INA: variants seen among roughly 807,000 people sequenced by gnomAD.
The protein encoded by INA is alpha-internexin.
INA carries 35 observed loss-of-function variants against 40.1 expected under a neutral mutation model. The observed-to-expected ratio is 0.87, with a 90% CI of 0.67 to 1.16. INA has a LOEUF of 1.16. INA is among the 50% of genes most tolerant of loss of function. The pLI is 0.00. For synonymous variants in INA, 290 were observed against 316.9 expected (o/e 0.92, Z 0.90); for missense variants, 594 against 686.7 (o/e 0.87, Z 1.51).
intron 1 of INA, among the ~76,000 whole-genome samples, chr10:103,286,533 G>A (rs2093086492): frequency 6.6e-6 from 1 of 151,944 alleles, no homozygotes; most frequent in South Asian, 2.1e-4. Context: ...TCATCAAAAT[G>A]AATGGAGGCA....
chr10:103,288,627 A>G lies in INA; in HGVS notation c.1458A>G (p.Lys486=). 2 of 1,594,678 alleles carry G rather than the reference A, an allele frequency of 1.3e-6. No homozygotes were observed. The highest frequency in any genetic ancestry group is 1.1e-5 in the South Asian group (1 of 87,540). Residue 486 remains lysine (K), a synonymous_variant, in exon 3 of 3, where the codon AAA becomes AAG. Transcript: ENST00000369849. The part of the protein sequence containing the change: ...ETVISTKKTE[K]SNIEETTISS... ...TAATATCTACTAAGAAAACCGAGAAATCAAATATAGAAGAAACCACCATTT... is the reference window on the plus strand; with the variant it reads ...TAATATCTACTAAGAAAACCGAGAAGTCAAATATAGAAGAAACCACCATTT...
chr10:103,277,978 T>G lies in INA; in HGVS notation c.767T>G (p.Val256Gly). 6 of 1,583,342 alleles carry G rather than the reference T, an allele frequency of 3.8e-6. No homozygotes were observed. Among genetic ancestry groups the G allele is most frequent in the Non-Finnish European group, 5.1e-6 (6 of 1,165,768 alleles). Residue 256 changes from valine to glycine, a missense_variant, in exon 1 of 3, where the codon GTG becomes GGG. Transcript: ENST00000369849. This position sits in a 1 kb window ranked among gnomAD's most constrained non-coding sequence, Gnocchi z 5.6. ...GCCGCGGCCGAGGTGGACGTGACTG[T>G]GGCTAAACCAGACCTGACCTCGGCT... ...SQAAAEVDVT[V>G]AKPDLTSALR...
rs34440112 is a variant in INA, at chr10:103,288,460, A to C, written c.1291A>C (p.Ile431Leu). The change falls in exon 3 of 3, where the codon ATC becomes CTC. Residue 431 changes from isoleucine to leucine, a missense_variant. Physicochemically the swap from Ile to Leu is conservative, Grantham distance 5 (BLOSUM62 2). This residue lies in a region of INA where 379 missense variants were observed against 496.1 expected (regional missense o/e 0.76). Coordinates refer to ENST00000369849, the MANE Select transcript of INA (RefSeq NM_032727.4). ...PNPSYLLPPRILSATTSKVSS... is the reference protein window; with the variant it reads ...PNPSYLLPPRLLSATTSKVSS... ...TCCAAGTTACCTGCTCCCACCTAGA[A>C]TCCTCAGTGCTACAACCTCCAAAGT... is the stretch of plus-strand genomic sequence containing the variant. 43,881 of 1,614,052 alleles carry C rather than the reference A, an allele frequency of 0.027. 702 individuals carry two copies. The highest frequency in any genetic ancestry group is 0.029 in the Non-Finnish European group (34,765 of 1,179,998).
At chr10:103,280,580 A>G (rs952559824) in intron 1 of INA, 5 of 985,326 alleles carry the variant, frequency 5.1e-6, no homozygotes, top group South Asian at 4.7e-5. Flanking sequence ...GGCACCCTCT[A>G]TGAAACATAG....
chr10:103,282,197 T>C (rs1171446704), intron 1 of INA, among the ~76,000 whole-genome samples: 1 of 152,200 alleles, frequency 6.6e-6, no homozygotes, highest in Non-Finnish European at 1.5e-5. Context: ...ATCTGCAACA[T>C]AGAAGTTCAA....
intron 1 of INA, chr10:103,280,332 G>A (rs928207457): frequency 1.9e-5 from 19 of 985,308 alleles, no homozygotes; most frequent in Non-Finnish European, 2.3e-5. Context: ...TAAGGCTAAG[G>A]TGGAGCTCAA....
rs2093060339 is a variant in INA, at chr10:103,277,146, T to A, written c.-66T>A. ...GCGCACCGCCCCGCCGCGCCCTGCC[T>A]GCCGCACCTCTCCTTTCTTCTGTAG... On this transcript the variant is annotated 5_prime_UTR_variant, in exon 1 of 3. Transcript: ENST00000369849. This position sits in a 1 kb window ranked among gnomAD's most constrained non-coding sequence, Gnocchi z 5.6. 1 of 1,478,984 alleles carries A rather than the reference T, an allele frequency of 6.8e-7. No homozygotes were observed. The highest frequency in any genetic ancestry group is 8.9e-7 in the Non-Finnish European group (1 of 1,121,414). 91.6% of individuals were successfully genotyped at this position (1,478,984 alleles called of 1,614,324 possible). A position where few individuals can be genotyped will look rare whatever the true frequency, so the allele number is the denominator to read the frequency against.
intron 1 of INA, among the ~76,000 whole-genome samples, chr10:103,283,700 A>G (rs2093077616): frequency 6.6e-6 from 1 of 151,060 alleles, no homozygotes; most frequent in African/African-American, 2.4e-5. Flanking sequence ...GGGCCTGTCA[A>G]CACTTACTTT....
chr10:103,285,594 C>G (rs1278209929), intron 1 of INA, among the ~76,000 whole-genome samples: 1 of 149,668 alleles, frequency 6.7e-6, no homozygotes, highest in African/African-American at 2.5e-5. Flanking sequence ...TCATGCCTGG[C>G]AGGAGAGGAC....
intron 1 of INA, among the ~76,000 whole-genome samples, chr10:103,286,385 CTATAAATA>C (rs1425625434): frequency 6.9e-6 from 1 of 144,286 alleles, no homozygotes; most frequent in African/African-American, 2.6e-5. Flanking sequence ...TGCTCAAGGA[CTATAAATA>C]TATAAATATA....
intron 2 of INA, among the ~76,000 whole-genome samples, chr10:103,287,732 A>G (rs1428436838): frequency 4.0e-5 from 5 of 125,756 alleles, no homozygotes; most frequent in Non-Finnish European, 8.4e-5. Flanking sequence ...GACTCTGTCT[A>G]AAAAAAAAAA....
intron 1 of INA, among the ~76,000 whole-genome samples, chr10:103,286,509 A>G (rs2093086437): frequency 1.3e-5 from 2 of 152,200 alleles, no homozygotes; most frequent in East Asian, 3.9e-4. Flanking sequence ...ACTGATTAGC[A>G]GGCTTCTAGG....
chr10:103,281,672 A>C (rs1056313535), intron 1 of INA, among the ~76,000 whole-genome samples: 1 of 152,216 alleles, frequency 6.6e-6, no homozygotes, highest in East Asian at 1.9e-4. Flanking sequence ...AATTCTAAAT[A>C]GCCTCTTTCA....
chr10:103,283,748 CTTTTTT>C (rs34755376), intron 1 of INA, among the ~76,000 whole-genome samples: 4 of 114,914 alleles, frequency 3.5e-5, no homozygotes, highest in Non-Finnish European at 6.9e-5. Context: ...ATCACTGTTT[CTTTTTT>C]TTTTTTTTTT....
At chr10:103,287,550 C>T (rs182427189) in intron 2 of INA, among the ~76,000 whole-genome samples, 138 of 152,154 alleles carry the variant, frequency 9.1e-4, no homozygotes, top group Non-Finnish European at 1.8e-3. Context: ...GCCTGGCCAA[C>T]ATGGTGAAAC....
At chr10:103,286,147 A>G (rs1480444816) in intron 1 of INA, among the ~76,000 whole-genome samples, 20 of 151,912 alleles carry the variant, frequency 1.3e-4, no homozygotes, top group Admixed American at 1.3e-3. Flanking sequence ...GGACAACATA[A>G]TGAGACCTCA....
intron 1 of INA, among the ~76,000 whole-genome samples, chr10:103,283,981 A>G (rs2093079095): frequency 6.6e-6 from 1 of 151,370 alleles, no homozygotes; most frequent in Admixed American, 6.6e-5. Context: ...CAGTCTCTTG[A>G]TTGACCTGAA....
intron 1 of INA, among the ~76,000 whole-genome samples, chr10:103,281,642 A>G (rs1275904968): frequency 1.3e-5 from 2 of 152,236 alleles, no homozygotes; most frequent in Admixed American, 1.3e-4. Context: ...TCCCCACTCA[A>G]GTTGATTATG....
intron 1 of INA, chr10:103,280,010 C>T (rs2093069403): frequency 2.3e-6 from 3 of 1,286,986 alleles, no homozygotes; most frequent in African/African-American, 1.5e-5. Flanking sequence ...AAAAGGATAA[C>T]TTACTCAGAG....
Sources: allele counts gnomAD v4.1 joint callset (sites outside exome capture counted in the v4.1 genomes callset), GRCh38; gene constraint gnomAD v4.1.1; regional missense constraint gnomAD v4.1.1; non-coding constraint Gnocchi (gnomAD v3.1); transcripts MANE v1.5; gene names NCBI Gene and HGNC (gene_info 2026-07-23, HGNC 2026-07-21).